The following TTC7A variants were observed in gnomAD, a reference collection of about 807,000 sequenced individuals.
The protein encoded by TTC7A is tetratricopeptide repeat domain 7A, also known as tetratricopeptide repeat protein 7A.
In TTC7A, 110 loss-of-function variants were observed where a neutral mutation model predicts 103.7. That is an observed-to-expected ratio of 1.06 (90% CI 0.91 to 1.24). The LOEUF (loss-of-function observed/expected upper bound fraction) is 1.24, where lower values mean the gene tolerates loss of function less well. Ranked by LOEUF, TTC7A falls within the 50% of genes most tolerant of loss-of-function variation. TTC7A has a pLI of 0.00. For synonymous variants in TTC7A, 521 were observed against 467.9 expected, an observed-to-expected ratio of 1.11 and a Z score of -1.47; for missense variants, 1,340 against 1,116.3, an observed-to-expected ratio of 1.20 and a Z score of -2.86.
chr2:46,936,495 T>G (rs964698701), upstream of TTC7A, among the ~76,000 whole-genome samples: 2 of 152,118 alleles, frequency 1.3e-5, no homozygotes, highest in Non-Finnish European at 2.9e-5. Context: ...AGGATTACAG[T>G]TGGAAAAGGT....
intron 8 of TTC7A, among the ~76,000 whole-genome samples, chr2:47,003,580 A>G (rs1019679474): frequency 2.6e-5 from 4 of 152,098 alleles, no homozygotes; most frequent in African/African-American, 4.8e-5. Context: ...CCTGAACAAG[A>G]TTGGTCTGCA....
intron 14 of TTC7A, among the ~76,000 whole-genome samples, chr2:47,028,287 C>T (rs1006335198): frequency 6.6e-6 from 1 of 152,244 alleles, no homozygotes; most frequent in Non-Finnish European, 1.5e-5. Context: ...TGTGCTGGGG[C>T]ACTGACTGAC....
intron 8 of TTC7A, chr2:46,999,483 C>G: frequency 1.0e-6 from 1 of 985,390 alleles, no homozygotes; most frequent in Non-Finnish European, 1.2e-6. Flanking sequence ...TAATCTTATT[C>G]AAGGAGCTAC....
chr2:46,988,672 G>A (rs1417855736), intron 5 of TTC7A, among the ~76,000 whole-genome samples: 1 of 152,220 alleles, frequency 6.6e-6, no homozygotes. Context: ...TGATGACCAG[G>A]CACTTGGTAG....
At position 46,941,850 on chromosome 2, in the gene TTC7A, A is replaced by G; in HGVS notation, c.184+125A>G. 1 of 1,265,972 alleles carries G rather than the reference A, an allele frequency of 7.9e-7. No homozygotes were observed. The highest frequency in any genetic ancestry group is 1.1e-6 in the Non-Finnish European group (1 of 911,898). 78.4% of individuals were successfully genotyped at this position (1,265,972 alleles called of 1,614,324 possible). On this transcript the variant is annotated intron_variant, in intron 1 of 19. Transcript: ENST00000319190. This position sits in a 1 kb window ranked among gnomAD's most constrained non-coding sequence, Gnocchi z 4.2. ...CCTGCCAGCCCACCGTGCTAGTCTT[A>G]AGAGCAGCCAGGGCAGTTAGGAAGG...
At chr2:46,945,322 G>A (rs1203516647) in intron 1 of TTC7A, among the ~76,000 whole-genome samples, 4 of 151,718 alleles carry the variant, frequency 2.6e-5, no homozygotes, top group Admixed American at 6.6e-5. Flanking sequence ...GTGCGATCTC[G>A]GCTCATTGCA....
At position 47,052,962 on chromosome 2, in the gene TTC7A, G is replaced by A. The variant is rs548160991; in HGVS notation, c.2152+1082G>A. On this transcript the variant is annotated intron_variant, in intron 18 of 19. Transcript: ENST00000319190. The stretch of plus-strand genomic sequence containing the variant: ...ATGGGGATTTGGTAAGTCAGAGTCC[G>A]AATATGCTTGTTAGCTGAGAATCTA... Among the ~76,000 whole-genome samples the A allele has an allele frequency of 2.1e-4, 32 of 152,274 alleles. 1 individual carries two copies. Among genetic ancestry groups the A allele is most frequent in the African/African-American group, 7.0e-4 (29 of 41,570 alleles).
chr2:47,046,281 G>A (rs1336480481), intron 15 of TTC7A, 34 bp from the exon 16 acceptor site: 1 of 1,562,782 alleles, frequency 6.4e-7, no homozygotes. Flanking sequence ...GGCCCTTGCT[G>A]GGGTGTGCTG....
intron 19 of TTC7A, among the ~76,000 whole-genome samples, chr2:47,067,058 C>T (rs1684237983): frequency 1.3e-5 from 2 of 152,266 alleles, no homozygotes; most frequent in African/African-American, 4.8e-5. Flanking sequence ...CCAGGAACCC[C>T]CTCCCAAGAT....
intron 5 of TTC7A, among the ~76,000 whole-genome samples, chr2:46,979,956 A>G (rs143328858): frequency 1.1e-3 from 170 of 152,312 alleles, no homozygotes; most frequent in Middle Eastern, 3.4e-3. Context: ...TCAGCCTTCC[A>G]TGGCCATGGG....
At chr2:46,927,895 T>G (rs1273459045) in intron 2 of TTC7A, among the ~76,000 whole-genome samples, 1 of 129,898 alleles carries the variant, frequency 7.7e-6, no homozygotes, top group Non-Finnish European at 1.7e-5. Flanking sequence ...TTTTTTTTTT[T>G]TTTTTTTTTT....
At chr2:47,071,219 T>C (rs1289338370) in intron 19 of TTC7A, 2 of 152,260 alleles carry the variant, frequency 1.3e-5, no homozygotes, top group Non-Finnish European at 2.9e-5. Flanking sequence ...TGAACTCGGC[T>C]GGTGTCAGGG....
At chr2:47,046,140 G>A (rs1271407353) in intron 15 of TTC7A, among the ~76,000 whole-genome samples, 175 bp from the exon 16 acceptor site, 1 of 152,222 alleles carries the variant, frequency 6.6e-6, no homozygotes, top group Non-Finnish European at 1.5e-5. Context: ...GAGAAACTGA[G>A]GCACACAGAG....
chr2:46,995,584 G>C (rs1180621037), intron 8 of TTC7A, among the ~76,000 whole-genome samples: 1 of 152,210 alleles, frequency 6.6e-6, no homozygotes, highest in African/African-American at 2.4e-5. Context: ...GTGTACTTTG[G>C]AGTCAGAAAG....
At chr2:46,986,235 CT>C (rs979073258) in intron 5 of TTC7A, among the ~76,000 whole-genome samples, 4 of 152,154 alleles carry the variant, frequency 2.6e-5, no homozygotes, top group Non-Finnish European at 5.9e-5. Flanking sequence ...CCATCCTGCC[CT>C]CCTAGCCTCT....
chr2:47,005,642 A>G (rs886780164), intron 8 of TTC7A, among the ~76,000 whole-genome samples: 1 of 152,206 alleles, frequency 6.6e-6, no homozygotes, highest in Non-Finnish European at 1.5e-5. Flanking sequence ...ACTTTTCTGT[A>G]GGCTTGAAAT....
rs576596954 is a variant in TTC7A, at chr2:47,046,450, C to G, written c.1919+19C>G. 1 of 1,603,746 alleles carries G rather than the reference C, an allele frequency of 6.2e-7. No homozygotes were observed. Among genetic ancestry groups the G allele is most frequent in the East Asian group, 2.2e-5 (1 of 44,822 alleles). ...AGCTGGGGTGAGTGGCCGTCATTGT[C>G]TCTTGGGTTGCCAGAGGGTGGTTGC... On this transcript the variant is annotated intron_variant, in intron 16 of 19. Transcript: ENST00000319190.
intron 5 of TTC7A, among the ~76,000 whole-genome samples, chr2:46,987,228 C>G (rs549398244): frequency 7.9e-5 from 12 of 152,324 alleles, no homozygotes; most frequent in African/African-American, 2.9e-4. Context: ...CCAGGCAGTT[C>G]GGCCACCTGG....
At chr2:47,067,704 C>G (rs1684296012) in intron 19 of TTC7A, 1 of 152,234 alleles carries the variant, frequency 6.6e-6, no homozygotes, top group African/African-American at 2.4e-5. Context: ...TCAGTGTTCT[C>G]ATCTGTAAAA....
Sources: gnomAD v4.1 joint callset for allele counts (sites outside exome capture counted in the v4.1 genomes callset) on GRCh38, gnomAD v4.1.1 for gene constraint, Gnocchi (gnomAD v3.1) non-coding constraint, MANE v1.5 for transcripts, NCBI Gene and HGNC (gene_info 2026-07-23, HGNC 2026-07-21) for gene names.